WDR59: variants seen among roughly 807,000 people sequenced by gnomAD.
WDR59 encodes the protein WD repeat domain 59, also known as GATOR2 complex protein WDR59.
Under a neutral mutation model 131.2 loss-of-function variants are expected in WDR59, and 100 were observed. That is an observed-to-expected ratio of 0.76 (90% CI 0.65 to 0.90). The LOEUF (loss-of-function observed/expected upper bound fraction) is 0.90, where lower values mean the gene tolerates loss of function less well. WDR59 is among the 40% of genes least tolerant of loss of function. The probability of loss-of-function intolerance (pLI) is 0.00; values close to 1 mark genes in which losing one functional copy is unlikely to be tolerated. For synonymous variants in WDR59, 601 were observed against 466.2 expected (o/e 1.29, Z -3.72); for missense variants, 1,203 against 1,262.2 (o/e 0.95, Z 0.71).
At chr16:74,978,221 G>T (rs2034265059) in intron 1 of WDR59, among the ~76,000 whole-genome samples, 1 of 151,720 alleles carries the variant, frequency 6.6e-6, no homozygotes, top group South Asian at 2.1e-4. Context: ...TACTCAGGAG[G>T]CTGAGGCAGA....
intron 2 of WDR59, among the ~76,000 whole-genome samples, chr16:74,965,359 T>TTTTCTTAA (rs2033727724): frequency 6.6e-6 from 1 of 152,172 alleles, no homozygotes; most frequent in Admixed American, 6.5e-5. Context: ...AAAACCAAAG[T>TTTTCTTAA]CCAGTTAAGC....
chr16:74,902,516 G>C (rs1461619537), intron 18 of WDR59, among the ~76,000 whole-genome samples: 2 of 152,136 alleles, frequency 1.3e-5, no homozygotes, highest in South Asian at 2.1e-4. Flanking sequence ...ATTTTGATTA[G>C]AGTGGGCTTT....
At chr16:74,932,680 G>T (rs868558201) in intron 8 of WDR59, among the ~76,000 whole-genome samples, 1 of 151,900 alleles carries the variant, frequency 6.6e-6, no homozygotes, top group Non-Finnish European at 1.5e-5. Flanking sequence ...GTAGAGATGG[G>T]GTTTCACTAT....
At chr16:74,981,660 A>ATATATATTTTTTTTTTTTTT (rs1567451007) in intron 1 of WDR59, among the ~76,000 whole-genome samples, 1 of 80,864 alleles carries the variant, frequency 1.2e-5, no homozygotes, top group Non-Finnish European at 2.0e-5. Context: ...ATATATATAT[A>ATATATATTTTTTTTTTTTTT]TTTTTTTTTT....
rs111763559 is a variant in WDR59, at chr16:74,905,283, G to A, written c.1713-1183C>T. On this transcript the variant is annotated intron_variant, in intron 17 of 25. Transcript: ENST00000262144. Reference sequence around the variant, plus strand: ...CCAGCTACTCGGGAGGTTGAGGCAGGAGAATCACTTGAACCCGGGAGGCGG... The same window carrying A: ...CCAGCTACTCGGGAGGTTGAGGCAGAAGAATCACTTGAACCCGGGAGGCGG... Among the ~76,000 whole-genome samples, 313 of 150,848 alleles carry A rather than the reference G, an allele frequency of 2.1e-3. 7 individuals are homozygous for A. The South Asian group carries it at 0.051, about 25-fold the overall frequency.
chr16:74,917,999 T>C lies in WDR59; in HGVS notation c.896A>G (p.Asp299Gly), dbSNP rs753441144. 1 of 1,613,658 alleles carries C rather than the reference T, an allele frequency of 6.2e-7. No individual in the cohort carries two copies. Among genetic ancestry groups the C allele is most frequent in the South Asian group, 1.1e-5 (1 of 91,038 alleles). Reference protein sequence around the residue: ...QWRKQKEGSKDYQLVTWSRDQ... With the variant: ...QWRKQKEGSKGYQLVTWSRDQ... Reference sequence around the variant, plus strand: ...CCGGGACCACGTCACCAGTTGATAGTCCTTGGACCCTAGAAATCACCAAAT... The same window carrying C: ...CCGGGACCACGTCACCAGTTGATAGCCCTTGGACCCTAGAAATCACCAAAT... The change falls in exon 11 of 26, where the codon GAC becomes GGC. Residue 299 changes from aspartate to glycine, a missense_variant. Physicochemically the swap from Asp to Gly is moderately conservative, Grantham distance 94. Transcript: ENST00000262144.
intron 21 of WDR59, 40 bp from the exon 22 acceptor site, chr16:74,888,359 A>T: frequency 6.3e-7 from 1 of 1,588,532 alleles, no homozygotes; most frequent in Non-Finnish European, 8.6e-7. Flanking sequence ...AGTCAGGAGG[A>T]GGGATTGAGG....
chr16:74,914,671 G>A (rs1399141454), intron 13 of WDR59, among the ~76,000 whole-genome samples: 1 of 148,094 alleles, frequency 6.8e-6, no homozygotes. Context: ...CGGCCTCACT[G>A]CAAGCTCTGC....
chr16:74,901,527 C>T (rs555756625), intron 18 of WDR59, among the ~76,000 whole-genome samples: 97 of 151,918 alleles, frequency 6.4e-4, no homozygotes, highest in African/African-American at 2.2e-3. Flanking sequence ...GTAGTTCTAG[C>T]TACTCAGGAG....
chr16:74,939,058 T>C (rs1272190066), intron 7 of WDR59, among the ~76,000 whole-genome samples: 1 of 151,498 alleles, frequency 6.6e-6, no homozygotes, highest in Non-Finnish European at 1.5e-5. Flanking sequence ...CCGGGCACGG[T>C]GGCTCATGCC....
chr16:74,875,410 G>A (rs115380592), intron 25 of WDR59, among the ~76,000 whole-genome samples: 2,671 of 152,288 alleles, frequency 0.018, 59 homozygotes, highest in African/African-American at 0.057. Context: ...TCTGCTGGAG[G>A]CCAATGTCAT....
chr16:74,952,448 A>AC (rs2033058218), intron 3 of WDR59, among the ~76,000 whole-genome samples: 1 of 146,188 alleles, frequency 6.8e-6, no homozygotes, highest in Admixed American at 6.8e-5. Context: ...TCTCAAACAA[A>AC]AAAAAAAAAA....
intron 17 of WDR59, 154 bp downstream of exon 17, chr16:74,908,752 TAA>T: frequency 1.7e-6 from 1 of 589,606 alleles, no homozygotes; most frequent in Non-Finnish European, 2.9e-6. Context: ...TTTTGCAATT[TAA>T]TTGACTTCAA....
At chr16:74,917,516 A>C (rs936798572) in intron 11 of WDR59, among the ~76,000 whole-genome samples, 1 of 152,130 alleles carries the variant, frequency 6.6e-6, no homozygotes, top group Non-Finnish European at 1.5e-5. Flanking sequence ...GTATGTATTA[A>C]ATGTCTATCC....
At chr16:74,926,494 CCTT>C (rs1310883699) in intron 8 of WDR59, among the ~76,000 whole-genome samples, 1 of 152,172 alleles carries the variant, frequency 6.6e-6, no homozygotes, top group Non-Finnish European at 1.5e-5. Flanking sequence ...GTACTTTCCT[CCTT>C]CTTACAAAAG....
intron 25 of WDR59, among the ~76,000 whole-genome samples, chr16:74,884,836 C>T (rs1371346579): frequency 6.6e-6 from 1 of 152,204 alleles, no homozygotes; most frequent in Non-Finnish European, 1.5e-5. Flanking sequence ...CTTTTCACCA[C>T]TCTGCACCGA....
chr16:74,898,272 A>G (rs1392405594), intron 18 of WDR59, among the ~76,000 whole-genome samples: 1 of 152,116 alleles, frequency 6.6e-6, no homozygotes, highest in Non-Finnish European at 1.5e-5. Context: ...AAAGCCCCTG[A>G]TCCTCCTGCA....
Position 74,922,890 on chromosome 16 carries a change from T to C in WDR59, c.730-787A>G, listed in dbSNP as rs1342557335. On this transcript the variant is annotated intron_variant, in intron 9 of 25. Transcript: ENST00000262144. The stretch of plus-strand genomic sequence containing the variant: ...AACTTAATACCCAAATTACCTTTTT[T>C]GCTCCACAATGCTCCATGGTGACAG... Among the ~76,000 whole-genome samples, 3 of 152,238 alleles carry C rather than the reference T, an allele frequency of 2.0e-5. No homozygotes were observed. In the East Asian group the frequency reaches 5.8e-4, roughly 29 times the overall value.
chr16:74,896,106 T>G (rs974550222), intron 18 of WDR59, among the ~76,000 whole-genome samples: 1 of 152,066 alleles, frequency 6.6e-6, no homozygotes, highest in Admixed American at 6.5e-5. Context: ...AAAAAATCTA[T>G]GCCAGAAAGA....
Sources: allele counts gnomAD v4.1 joint callset (sites outside exome capture counted in the v4.1 genomes callset), GRCh38; gene constraint gnomAD v4.1.1; transcripts MANE v1.5; gene names NCBI Gene and HGNC (gene_info 2026-07-23, HGNC 2026-07-21).